Variants in CDH12 observed in about 807,000 individuals in gnomAD.
CDH12 encodes the protein cadherin 12, also known as cadherin-12.
In CDH12, 41 loss-of-function variants were observed where a neutral mutation model predicts 74.1. The ratio of observed to expected loss-of-function variants is 0.55; its 90% CI spans 0.43 to 0.72. The LOEUF (loss-of-function observed/expected upper bound fraction) is 0.72. CDH12 is among the 30% of genes least tolerant of loss of function. The pLI is 0.00. For synonymous variants in CDH12, 399 were observed against 355.0 expected (o/e 1.12, Z -1.39); for missense variants, 945 against 977.2 (o/e 0.97, Z 0.44).
At chr5:22,547,638 T>C (rs930142147) in intron 1 of CDH12, among the ~76,000 whole-genome samples, 21 of 152,156 alleles carry the variant, frequency 1.4e-4, no homozygotes, top group African/African-American at 5.1e-4. Context: ...CATTGGGGGA[T>C]AAAAATAAAT....
At chr5:22,547,516 A>G (rs997385478) in intron 1 of CDH12, among the ~76,000 whole-genome samples, 1 of 152,224 alleles carries the variant, frequency 6.6e-6, no homozygotes, top group Non-Finnish European at 1.5e-5. Context: ...CTGATTAGAA[A>G]TAGAAATTTT....
At chr5:22,777,895 C>G (rs528545384) in intron 1 of CDH12, among the ~76,000 whole-genome samples, 3 of 152,096 alleles carry the variant, frequency 2.0e-5, no homozygotes, top group South Asian at 4.1e-4. Context: ...CTCACTGCAA[C>G]CTTCACCTCC....
chr5:22,022,877 C>T (rs925736236), intron 5 of CDH12, among the ~76,000 whole-genome samples: 1 of 152,056 alleles, frequency 6.6e-6, no homozygotes, highest in African/African-American at 2.4e-5. Context: ...TTGTTTTTAG[C>T]TCTATTCCCA....
chr5:22,420,982 T>C (rs2126495911), intron 2 of CDH12, among the ~76,000 whole-genome samples: 1 of 152,294 alleles, frequency 6.6e-6, no homozygotes, highest in Non-Finnish European at 1.5e-5. Flanking sequence ...ATGATTTGGC[T>C]CTCTGCTTGT....
chr5:22,252,797 C>G lies in CDH12; in HGVS notation c.-332-40154G>C, dbSNP rs1021309721. Among the ~76,000 whole-genome samples the G allele has an allele frequency of 5.3e-5, 8 of 151,930 alleles. No individual in the cohort carries two copies. In the East Asian group the frequency reaches 1.5e-3, roughly 29 times the overall value. ...CATGTAAATCTTCCGATCTATGAAG[C>G]CTTAGCTTAATTTCTTCTATGTCCA... On this transcript the variant is annotated intron_variant, in intron 3 of 14. Coordinates refer to ENST00000382254, the MANE Select transcript of CDH12 (RefSeq NM_004061.5).
At chr5:21,963,728 A>G (rs1756461572) in intron 6 of CDH12, among the ~76,000 whole-genome samples, 1 of 152,026 alleles carries the variant, frequency 6.6e-6, no homozygotes, top group Non-Finnish European at 1.5e-5. Flanking sequence ...TCAACTTTCC[A>G]TAGTTATTTT....
chr5:22,600,027 G>T (rs1736782828), intron 1 of CDH12, among the ~76,000 whole-genome samples: 1 of 152,006 alleles, frequency 6.6e-6, no homozygotes, highest in African/African-American at 2.4e-5. Flanking sequence ...TTCACAGATT[G>T]TCTCAATGGG....
chr5:22,645,627 C>T (rs967755553), intron 1 of CDH12, among the ~76,000 whole-genome samples: 5 of 151,854 alleles, frequency 3.3e-5, no homozygotes, highest in African/African-American at 7.3e-5. Flanking sequence ...GGAAAAAATT[C>T]GAATTTAGAT....
chr5:22,358,980 A>G (rs1740680933), intron 3 of CDH12, among the ~76,000 whole-genome samples: 1 of 152,222 alleles, frequency 6.6e-6, no homozygotes, highest in Non-Finnish European at 1.5e-5. Flanking sequence ...AAAACATGCC[A>G]AAGTGTAAAG....
intron 2 of CDH12, among the ~76,000 whole-genome samples, chr5:22,422,560 T>A (rs964373066): frequency 6.6e-5 from 10 of 152,142 alleles, no homozygotes; most frequent in African/African-American, 2.4e-4. Context: ...GATGACACAT[T>A]GCATGATACG....
At chr5:22,650,998 T>G (rs1329335805) in intron 1 of CDH12, among the ~76,000 whole-genome samples, 4 of 152,072 alleles carry the variant, frequency 2.6e-5, no homozygotes, top group Non-Finnish European at 4.4e-5. Context: ...GTTAGTGTAT[T>G]TCCATGTTTA....
intron 10 of CDH12, among the ~76,000 whole-genome samples, chr5:21,785,261 C>T (rs10065538): frequency 0.087 from 13,274 of 152,164 alleles, 982 homozygotes; most frequent in African/African-American, 0.19. Flanking sequence ...GCTATTCCCC[C>T]ATCTGTCTCC....
chr5:22,473,330 C>A (rs1385319944), intron 2 of CDH12, among the ~76,000 whole-genome samples: 1 of 152,090 alleles, frequency 6.6e-6, no homozygotes, highest in East Asian at 1.9e-4. Flanking sequence ...TATTAACACA[C>A]ACTACATGTA....
intron 1 of CDH12, among the ~76,000 whole-genome samples, chr5:22,569,439 T>C (rs1435608153): frequency 1.3e-5 from 2 of 152,208 alleles, no homozygotes; most frequent in Non-Finnish European, 2.9e-5. Flanking sequence ...GCTGATGCCA[T>C]GCTTCCTGTA....
intron 4 of CDH12, among the ~76,000 whole-genome samples, chr5:22,130,038 A>T (rs1746098722): frequency 6.6e-6 from 1 of 151,730 alleles, no homozygotes; most frequent in Non-Finnish European, 1.5e-5. Context: ...AAAGATGAGA[A>T]ATTTAAATTT....
intron 6 of CDH12, among the ~76,000 whole-genome samples, chr5:21,944,760 G>A (rs10045057): frequency 0.071 from 10,776 of 152,158 alleles, 1,064 homozygotes; most frequent in African/African-American, 0.22. Context: ...TATCAGGGAA[G>A]TGAGGTTATT....
chr5:22,490,056 AG>A (rs1746796293), intron 2 of CDH12, among the ~76,000 whole-genome samples: 1 of 152,170 alleles, frequency 6.6e-6, no homozygotes, highest in Non-Finnish European at 1.5e-5. Flanking sequence ...GAGGAAGATA[AG>A]GTATAATTTT....
intron 1 of CDH12, among the ~76,000 whole-genome samples, chr5:22,843,852 T>G (rs1561071112): frequency 6.6e-6 from 1 of 152,096 alleles, no homozygotes; most frequent in Non-Finnish European, 1.5e-5. Flanking sequence ...AGCAGGATTT[T>G]GGCTGTTTGA....
At chr5:22,810,249 A>G (rs1221535488) in intron 1 of CDH12, among the ~76,000 whole-genome samples, 1 of 152,112 alleles carries the variant, frequency 6.6e-6, no homozygotes, top group Non-Finnish European at 1.5e-5. Context: ...TTTATTCAAC[A>G]AAGATATACC....
Sources: allele counts gnomAD v4.1 joint callset (sites outside exome capture counted in the v4.1 genomes callset), GRCh38; gene constraint gnomAD v4.1.1; transcripts MANE v1.5; gene names NCBI Gene and HGNC (gene_info 2026-07-23, HGNC 2026-07-21).